Variants in LRRC37A3 observed in about 807,000 individuals in gnomAD.
LRRC37A3 encodes leucine rich repeat containing 37 member A3.
A neutral mutation model predicts 106.2 loss-of-function variants in LRRC37A3; 25 were observed. That is an observed-to-expected ratio of 0.24 (90% confidence interval 0.17 to 0.33). The LOEUF is 0.33. LRRC37A3 is among the 10% of genes least tolerant of loss of function. The pLI is 1.00. For missense variants in LRRC37A3, 712 were observed against 1,644.9 expected (o/e 0.43, Z 9.81); for synonymous variants, 305 against 635.8 (o/e 0.48, Z 7.83).
intron 8 of LRRC37A3, among the ~76,000 whole-genome samples, chr17:64,872,802 A>C (rs564017028): frequency 1.3e-5 from 2 of 152,236 alleles, no homozygotes; most frequent in East Asian, 3.9e-4. Context: ...GCAGACTGTC[A>C]GCATGGTCAG....
At position 64,862,969 on chromosome 17, in the gene LRRC37A3, T is replaced by C; in HGVS notation, c.3103A>G (p.Ile1035Val). Residue 1035 changes from isoleucine (I) to valine (V), a missense_variant, in exon 11 of 15, where the codon ATT (isoleucine) becomes GTT (valine). Physicochemically the swap from Ile to Val is conservative, Grantham distance 29. Coordinates refer to ENST00000584306, the MANE Select transcript of LRRC37A3 (RefSeq NM_199340.5). ...TTGACTGTCTTGCAGACAGCCTCAA[T>C]GCTGTTTTTAAATTGGCAGAGGCAG... ...ACCLCQFKNS[I>V]EAVCKTVKLH... The C allele has an allele frequency of 1.3e-6, 2 of 1,598,552 alleles. No individual in the cohort carries two copies. The highest frequency in any genetic ancestry group is 8.5e-7 in the Non-Finnish European group (1 of 1,179,788).
At chr17:64,866,732 G>T (rs1461197306) in intron 10 of LRRC37A3, among the ~76,000 whole-genome samples, 2 of 135,152 alleles carry the variant, frequency 1.5e-5, no homozygotes, top group Non-Finnish European at 3.1e-5. Context: ...CTGGGTTCAA[G>T]TGATCCTCCT....
At position 64,858,858 on chromosome 17, in the gene LRRC37A3, C is replaced by G; in HGVS notation, c.4730G>C (p.Gly1577Ala). The G allele has an allele frequency of 1.2e-6, 2 of 1,610,106 alleles. No homozygotes were observed. Among genetic ancestry groups the G allele is most frequent in the South Asian group, 1.1e-5 (1 of 89,934 alleles). Residue 1577 changes from glycine to alanine, a missense_variant, in exon 13 of 15, where the codon GGC becomes GCC. Coordinates refer to ENST00000584306, the MANE Select transcript of LRRC37A3 (RefSeq NM_199340.5). ...LEFTKELPGY[G>A]YTKKLILALI... Reference sequence around the variant, plus strand: ...CGCCAAGATGAGTTTTTTGGTATAGCCATATCCTGGAAGTTCTTTTGTGAA... The same window carrying G: ...CGCCAAGATGAGTTTTTTGGTATAGGCATATCCTGGAAGTTCTTTTGTGAA...
intron 10 of LRRC37A3, among the ~76,000 whole-genome samples, chr17:64,865,884 C>A (rs1973051749): frequency 6.6e-6 from 1 of 152,220 alleles, no homozygotes; most frequent in Non-Finnish European, 1.5e-5. Context: ...CTTTAGTCTC[C>A]TTCAATCTAG....
At chr17:64,873,828 C>A (rs1286087747) in intron 8 of LRRC37A3, among the ~76,000 whole-genome samples, 4 of 152,108 alleles carry the variant, frequency 2.6e-5, no homozygotes, top group African/African-American at 9.7e-5. Flanking sequence ...CTAATGTACA[C>A]ATAATGAGCA....
At chr17:64,905,009 A>G (rs1974421949) in intron 2 of LRRC37A3, among the ~76,000 whole-genome samples, 1 of 150,650 alleles carries the variant, frequency 6.6e-6, no homozygotes, top group Admixed American at 6.6e-5. Context: ...CTCTCTCTCA[A>G]AATTAGTTAA....
In LRRC37A3 at chr17:64,873,737, G is replaced by T. The variant is rs1388665123; in HGVS notation, c.2907-4571C>A. On this transcript the variant is annotated intron_variant, in intron 8 of 14. Transcript: ENST00000584306. ...AACTTGAAGGTTAATTGAGATTGTT[G>T]ACTCTGAGGAACAGAAATAAAAATG... 3.3e-5 allele frequency among the ~76,000 whole-genome samples: 5 copies of T among 151,666 alleles called. No homozygotes were observed. The East Asian group carries it at 9.7e-4, about 29-fold the overall frequency.
chr17:64,877,895 T>G (rs1338879631), intron 8 of LRRC37A3, among the ~76,000 whole-genome samples: 3 of 151,978 alleles, frequency 2.0e-5, no homozygotes, highest in African/African-American at 7.2e-5. Context: ...CTGAAACAAT[T>G]CTACGTGGAA....
intron 8 of LRRC37A3, among the ~76,000 whole-genome samples, chr17:64,880,073 C>T (rs1840649409): frequency 6.6e-6 from 1 of 151,664 alleles, no homozygotes; most frequent in Admixed American, 6.6e-5. Context: ...AGCTCTTCTC[C>T]AGCTGACATT....
chr17:64,859,643 C>T lies in LRRC37A3; in HGVS notation c.4503G>A (p.Leu1501=). The T allele has an allele frequency of 6.2e-7, 1 of 1,613,700 alleles. No homozygotes were observed. The highest frequency in any genetic ancestry group is 1.7e-5 in the Admixed American group (1 of 59,912). Residue 1501 remains leucine, a synonymous_variant, in exon 12 of 15, where the codon TTG becomes TTA. Transcript: ENST00000584306. Reference sequence around the variant, plus strand: ...CATGGGCCCCAGAGCAGTCCATCTTCAAGGTCCGGATAACATGAGCAATGA... The same window carrying T: ...CATGGGCCCCAGAGCAGTCCATCTTTAAGGTCCGGATAACATGAGCAATGA... The part of the protein sequence containing the change: ...RRLIAHVIRT[L]KMDCSGAHVQ...
At position 64,914,260 on chromosome 17, in the gene LRRC37A3, T is replaced by C. The variant is rs559845886; in HGVS notation, c.-496+4490A>G. Among the ~76,000 whole-genome samples the C allele has an allele frequency of 1.4e-4, 22 of 152,070 alleles. No homozygotes were observed. In the East Asian group the frequency reaches 3.7e-3, roughly 25 times the overall value. ...GTATCACAAATTCTAAGATATGTTTTTAAAAGTGCACAAAGGGGCTGGGCG... is the reference window on the plus strand; with the variant it reads ...GTATCACAAATTCTAAGATATGTTTCTAAAAGTGCACAAAGGGGCTGGGCG... On this transcript the variant is annotated intron_variant, in intron 2 of 14. Coordinates refer to ENST00000584306, the MANE Select transcript of LRRC37A3 (RefSeq NM_199340.5).
rs765252605 is a variant in LRRC37A3 at position 64,860,118 on chromosome 17, G to A, written c.4028C>T (p.Pro1343Leu). The change falls in exon 12 of 15, where the codon CCG becomes CTG. Residue 1343 changes from proline (P) to leucine (L), a missense_variant. Transcript: ENST00000584306. Reference protein sequence around the residue: ...LSRLMLSNRLPFSAAKSLINS... With the variant: ...LSRLMLSNRLLFSAAKSLINS... ...TATGAGGCTCTTCGCTGCAGAGAAC[G>A]GAAGCCTGTTTGAGAGCATCAGTCT... 1.9e-5 allele frequency: 30 copies of A among 1,613,816 alleles called. No individual in the cohort carries two copies. The Admixed American group carries it at 2.0e-4, about 11-fold the overall frequency.
chr17:64,872,855 C>T (rs1033744097), intron 8 of LRRC37A3, among the ~76,000 whole-genome samples: 2 of 151,878 alleles, frequency 1.3e-5, no homozygotes, highest in African/African-American at 4.8e-5. Context: ...CTGGCTGACA[C>T]CTTGAGGTTC....
intron 8 of LRRC37A3, among the ~76,000 whole-genome samples, chr17:64,875,080 A>G (rs1219609665): frequency 6.6e-6 from 1 of 152,026 alleles, no homozygotes; most frequent in Admixed American, 6.6e-5. Flanking sequence ...AGAAACACCC[A>G]AGAATGATCA....
chr17:64,911,500 T>C (rs1400324114), intron 2 of LRRC37A3, among the ~76,000 whole-genome samples: 1 of 140,660 alleles, frequency 7.1e-6, no homozygotes, highest in Non-Finnish European at 1.5e-5. Context: ...CTATACATTT[T>C]ATAGAAAGGT....
intron 2 of LRRC37A3, chr17:64,899,747 G>C (rs1270154399): frequency 6.7e-6 from 1 of 148,502 alleles, no homozygotes; most frequent in Admixed American, 6.6e-5. Context: ...GCCTGTGTTC[G>C]AGCAGCCCAG....
chr17:64,882,477 A>C lies in LRRC37A3; in HGVS notation c.2906+3609T>G, dbSNP rs1283235190. 5.3e-5 allele frequency among the ~76,000 whole-genome samples: 8 copies of C among 152,280 alleles called. No homozygotes were observed. The East Asian group carries it at 1.5e-3, about 29-fold the overall frequency. On this transcript the variant is annotated intron_variant, in intron 8 of 14. Coordinates refer to ENST00000584306, the MANE Select transcript of LRRC37A3 (RefSeq NM_199340.5). ...TCAACCACTACAAATTTAAACAGCC[A>C]CCCTAAATCACCCCAAAGGACAGAC...
At position 64,897,301 on chromosome 17, in the gene LRRC37A3, C is replaced by T. The variant is rs775480879; in HGVS notation, c.-44G>A. 1.2e-6 allele frequency: 2 copies of T among 1,609,582 alleles called. No homozygotes were observed. Among genetic ancestry groups the T allele is most frequent in the African/African-American group, 2.8e-5 (2 of 72,080 alleles). ...CTCGTGCCCCTTGTAAGCATGAGTC[C>T]CGCCCTGTCTTTATGACACCTTTAT... On this transcript the variant is annotated 5_prime_UTR_variant, in exon 4 of 15. Coordinates refer to ENST00000584306, the MANE Select transcript of LRRC37A3 (RefSeq NM_199340.5).
At position 64,887,524 on chromosome 17, in the gene LRRC37A3, AAAC is replaced by A. The variant is rs575984847; in HGVS notation, c.2754-641_2754-639del. Among the ~76,000 whole-genome samples the A allele has an allele frequency of 1.0e-3, 59 of 57,616 alleles. 4 individuals are homozygous for A. The highest frequency in any genetic ancestry group is 4.7e-3 in the African/African-American group (56 of 11,854). The allele number at this position is 57,616 out of a possible 152,430, so 37.8% of individuals were successfully genotyped here. On this transcript the variant is annotated intron_variant, in intron 6 of 14. Transcript: ENST00000584306. ...TTCCGTCTCAAACAAACAAACAAACAAACAAGTCTCACATTTCTACACCTTCTT... is the reference window on the plus strand; with the variant it reads ...TTCCGTCTCAAACAAACAAACAAACAAAGTCTCACATTTCTACACCTTCTT...
Sources: gnomAD v4.1 joint callset for allele counts (sites outside exome capture counted in the v4.1 genomes callset) on GRCh38, gnomAD v4.1.1 for gene constraint, MANE v1.5 for transcripts, NCBI Gene and HGNC (gene_info 2026-07-23, HGNC 2026-07-21) for gene names.